SLC1A3: variants seen among roughly 807,000 people sequenced by gnomAD.
SLC1A3 encodes the protein solute carrier family 1 member 3.
SLC1A3 carries 21 observed loss-of-function variants against 48.1 expected under a neutral mutation model. That is an observed-to-expected ratio of 0.44 (90% CI 0.31 to 0.63). SLC1A3 has a LOEUF of 0.63. Among genes scored for constraint, SLC1A3 ranks in the 20% least tolerant of loss-of-function variants. The pLI, the probability that SLC1A3 is intolerant of heterozygous loss-of-function variation, is 0.08. For synonymous variants in SLC1A3, 239 were observed against 251.4 expected, an observed-to-expected ratio of 0.95 and a Z score of 0.47; for missense variants, 546 against 689.0, an observed-to-expected ratio of 0.79 and a Z score of 2.32.
rs182281948 is a variant in SLC1A3, at chr5:36,672,730, G to C, written c.525-1319G>C. On this transcript the variant is annotated intron_variant, in intron 4 of 9. Coordinates refer to ENST00000265113, the MANE Select transcript of SLC1A3 (RefSeq NM_004172.5). ...AACACTACCCAAGGGGCCTCTTCTT[G>C]AAAGTCCTTTTTCAGGGAGTTAATC... 2.1e-4 allele frequency among the ~76,000 whole-genome samples: 32 copies of C among 152,280 alleles called. No homozygotes were observed. The South Asian group carries it at 2.3e-3, about 11-fold the overall frequency.
At chr5:36,621,028 C>A (rs748939053) in intron 2 of SLC1A3, among the ~76,000 whole-genome samples, 6 of 152,018 alleles carry the variant, frequency 3.9e-5, no homozygotes, top group Non-Finnish European at 7.4e-5. Context: ...GCCTCAGCCT[C>A]CTGAGTAGCT....
chr5:36,624,389 T>C (rs1267658251), intron 2 of SLC1A3, among the ~76,000 whole-genome samples: 2 of 152,158 alleles, frequency 1.3e-5, no homozygotes, highest in Non-Finnish European at 2.9e-5. Context: ...AGCTGGACAG[T>C]GTGGGTATCA....
chr5:36,678,199 T>A (rs1235420031), intron 6 of SLC1A3, among the ~76,000 whole-genome samples: 3 of 152,220 alleles, frequency 2.0e-5, no homozygotes, highest in African/African-American at 7.2e-5. Flanking sequence ...TGATTAAAAA[T>A]GCCCTTGTCT....
intron 2 of SLC1A3, among the ~76,000 whole-genome samples, chr5:36,613,702 T>TG (rs147303692): frequency 0.01 from 1,544 of 152,190 alleles, 19 homozygotes; most frequent in African/African-American, 0.035. Flanking sequence ...TTCAAGAAGC[T>TG]GGGGGTAGGG....
intron 2 of SLC1A3, among the ~76,000 whole-genome samples, chr5:36,624,884 A>G (rs1739840737): frequency 6.6e-6 from 1 of 152,226 alleles, no homozygotes; most frequent in Admixed American, 6.5e-5. Flanking sequence ...AAGGGTTCCA[A>G]GATGTGCTGG....
chr5:36,674,163 T>C (rs1054045506), intron 5 of SLC1A3, 72 bp downstream of exon 5: 1 of 1,174,154 alleles, frequency 8.5e-7, no homozygotes. Context: ...GGGACCCTCT[T>C]TTCCCTGCTC....
chr5:36,684,101 A>C, intron 9 of SLC1A3, 103 bp downstream of exon 9: 1 of 1,421,804 alleles, frequency 7.0e-7, no homozygotes, highest in Non-Finnish European at 9.9e-7. Context: ...AACTCTGAGG[A>C]GAGGGGCCTC....
At chr5:36,656,408 C>T (rs1303913796) in intron 3 of SLC1A3, among the ~76,000 whole-genome samples, 1 of 152,166 alleles carries the variant, frequency 6.6e-6, no homozygotes, top group African/African-American at 2.4e-5. Context: ...AGTACTGGAT[C>T]AGTTTATAAT....
At position 36,688,192 on chromosome 5, in the gene SLC1A3, C is replaced by T. The variant is rs748811006; in HGVS notation, c.*1923C>T. ...AATATGTGTTTTTTAATATACTAAC[C>T]ATTTCTTATGGAAAGGTCCTGTGGG... On this transcript the variant is annotated 3_prime_UTR_variant, in exon 10 of 10. Transcript: ENST00000265113. 7 of 152,184 alleles carry T rather than the reference C, an allele frequency of 4.6e-5. No individual in the cohort carries two copies. Among genetic ancestry groups the T allele is most frequent in the Non-Finnish European group, 1.0e-4 (7 of 68,044 alleles). 9.4% of individuals were successfully genotyped at this position (152,184 alleles called of 1,614,324 possible).
At chr5:36,610,771 G>A (rs559097219) in intron 2 of SLC1A3, among the ~76,000 whole-genome samples, 3 of 152,290 alleles carry the variant, frequency 2.0e-5, no homozygotes, top group South Asian at 2.1e-4. Context: ...CCTAAGATTT[G>A]TGAGAATTGC....
intron 9 of SLC1A3, among the ~76,000 whole-genome samples, chr5:36,684,239 TC>T (rs1742555555): frequency 6.6e-6 from 1 of 152,188 alleles, no homozygotes; most frequent in Non-Finnish European, 1.5e-5. Flanking sequence ...CACATCTCAC[TC>T]CATAAAGCCA....
At chr5:36,637,117 GA>G (rs1740424234) in intron 3 of SLC1A3, among the ~76,000 whole-genome samples, 1 of 152,154 alleles carries the variant, frequency 6.6e-6, no homozygotes, top group African/African-American at 2.4e-5. Flanking sequence ...CCACCATCTT[GA>G]TTGCCTCTCC....
In SLC1A3 at chr5:36,670,032, A is replaced by G. The variant is rs1422177088; in HGVS notation, c.320-997A>G. On this transcript the variant is annotated intron_variant, in intron 3 of 9. Coordinates refer to ENST00000265113, the MANE Select transcript of SLC1A3 (RefSeq NM_004172.5). ...GATTTTAGTGGGATTGGGGAGGATA[A>G]AGAATGAAGAAAAGTGAAGATACAG... The G allele has an allele frequency of 1.3e-5, 2 of 152,144 alleles. 1 individual carries two copies. Among genetic ancestry groups the G allele is most frequent in the Admixed American group, 1.3e-4 (2 of 15,266 alleles). The allele number at this position is 152,144 out of a possible 1,614,324, so 9.4% of individuals were successfully genotyped here. A position where few individuals can be genotyped will look rare whatever the true frequency, so the allele number is the denominator to read the frequency against.
At chr5:36,662,502 C>T (rs574398496) in intron 3 of SLC1A3, among the ~76,000 whole-genome samples, 2 of 152,228 alleles carry the variant, frequency 1.3e-5, no homozygotes, top group South Asian at 2.1e-4. Context: ...TGGTGGGTCC[C>T]GCTCGCCTCT....
chr5:36,669,374 A>C (rs1346514843), intron 3 of SLC1A3: 2 of 152,248 alleles, frequency 1.3e-5, no homozygotes, highest in Non-Finnish European at 2.9e-5. Context: ...ATGAATACTT[A>C]GCCCCGGGTT....
chr5:36,646,950 T>A, intron 3 of SLC1A3, among the ~76,000 whole-genome samples: 1 of 152,150 alleles, frequency 6.6e-6, no homozygotes, highest in East Asian at 1.9e-4. Context: ...GGCAGGAATT[T>A]TAAAAGTATA....
intron 2 of SLC1A3, among the ~76,000 whole-genome samples, chr5:36,616,394 G>A (rs1056636985): frequency 1.2e-4 from 19 of 152,254 alleles, no homozygotes; most frequent in Admixed American, 7.2e-4. Context: ...AAGGGAGGGC[G>A]CTCCCTTTTT....
chr5:36,621,372 G>A (rs78914280), intron 2 of SLC1A3, among the ~76,000 whole-genome samples: 2,887 of 152,282 alleles, frequency 0.019, 77 homozygotes, highest in African/African-American at 0.066. Context: ...GTAGGAGATG[G>A]GTTCTGAGGC....
intron 2 of SLC1A3, among the ~76,000 whole-genome samples, chr5:36,617,714 T>TTA (rs887338241): frequency 3.1e-4 from 47 of 152,316 alleles, no homozygotes; most frequent in African/African-American, 1.1e-3. Context: ...ACCTGGGATA[T>TTA]TATTCCTTAG....
Sources: gnomAD v4.1 joint callset for allele counts (sites outside exome capture counted in the v4.1 genomes callset) on GRCh38, gnomAD v4.1.1 for gene constraint, MANE v1.5 for transcripts, NCBI Gene and HGNC (gene_info 2026-07-23, HGNC 2026-07-21) for gene names.